CATSPERT: variants seen among roughly 807,000 people sequenced by gnomAD.
The protein encoded by CATSPERT is catsper channel auxiliary subunit tau.
chr2:201,587,415 C>A, the CATSPERT span, among the ~76,000 whole-genome samples: 1 of 152,080 alleles, frequency 6.6e-6, no homozygotes, highest in African/African-American at 2.4e-5. Flanking sequence ...CAGCTTTTGT[C>A]TTTCACCATC....
chr2:201,487,728 T>C, the CATSPERT span: 2 of 1,614,222 alleles, frequency 1.2e-6, no homozygotes, highest in Non-Finnish European at 8.5e-7. Flanking sequence ...AACTTTCCAC[T>C]GTAGCTTTCT....
chr2:201,503,852 A>T, the CATSPERT span, among the ~76,000 whole-genome samples: 10 of 152,268 alleles, frequency 6.6e-5, no homozygotes, highest in South Asian at 1.0e-3. Flanking sequence ...GATTTATTGC[A>T]TAGAAGGTTG....
At chr2:201,584,105 A>G in the CATSPERT span, among the ~76,000 whole-genome samples, 1 of 151,744 alleles carries the variant, frequency 6.6e-6, no homozygotes. Context: ...CCTCGGCAAC[A>G]TGGCAAAATC....
chr2:201,553,567 T>C, the CATSPERT span: 4 of 152,234 alleles, frequency 2.6e-5, no homozygotes, highest in South Asian at 6.2e-4. Flanking sequence ...CTAATAATGA[T>C]ATTTTACAGA....
chr2:201,524,660 A>C, the CATSPERT span, among the ~76,000 whole-genome samples: 1 of 152,200 alleles, frequency 6.6e-6, no homozygotes, highest in African/African-American at 2.4e-5. Flanking sequence ...GCCTCCACTT[A>C]AAAGGCAGAG....
At chr2:201,558,087 T>TAA in the CATSPERT span, 6 of 152,250 alleles carry the variant, frequency 3.9e-5, no homozygotes, top group African/African-American at 1.4e-4. Flanking sequence ...TAATTACACT[T>TAA]ATCGCCACCT....
the CATSPERT span, chr2:201,492,864 G>A: frequency 2.6e-6 from 4 of 1,536,410 alleles, no homozygotes; most frequent in East Asian, 2.4e-5. Flanking sequence ...TTTCTACAAG[G>A]TAATGCTGGA....
the CATSPERT span, among the ~76,000 whole-genome samples, chr2:201,497,515 T>C: frequency 6.6e-6 from 1 of 152,188 alleles, no homozygotes; most frequent in African/African-American, 2.4e-5. Context: ...AAATATAATT[T>C]CATTTTTGTA....
chr2:201,590,139 C>T, the CATSPERT span, among the ~76,000 whole-genome samples: 1 of 151,754 alleles, frequency 6.6e-6, no homozygotes, highest in East Asian at 1.9e-4. Context: ...TCCCTCCTCC[C>T]CCCACCCCAC....
the CATSPERT span, among the ~76,000 whole-genome samples, chr2:201,526,034 G>A: frequency 6.6e-6 from 1 of 152,238 alleles, no homozygotes; most frequent in African/African-American, 2.4e-5. Context: ...TCTACCAGAT[G>A]TATAAAGAAG....
the CATSPERT span, chr2:201,550,399 T>G: frequency 6.6e-6 from 1 of 152,202 alleles, no homozygotes; most frequent in Non-Finnish European, 1.5e-5. Context: ...TTTATCACTT[T>G]TTTCAATAAT....
At chr2:201,516,800 G>A in the CATSPERT span, among the ~76,000 whole-genome samples, 2 of 151,954 alleles carry the variant, frequency 1.3e-5, no homozygotes, top group East Asian at 1.9e-4. Context: ...GGGGGTGGGC[G>A]GGGAAGGGGT....
chr2:201,572,635 A>G, the CATSPERT span, among the ~76,000 whole-genome samples: 1 of 152,042 alleles, frequency 6.6e-6, no homozygotes, highest in African/African-American at 2.4e-5. Context: ...CACAAAACCT[A>G]CCTCCGGAGT....
chr2:201,556,513 G>GA, the CATSPERT span, among the ~76,000 whole-genome samples: 229 of 134,160 alleles, frequency 1.7e-3, no homozygotes, highest in East Asian at 1.7e-3. Context: ...ACTTCAAAAA[G>GA]AAAAAAAAAA....
the CATSPERT span, among the ~76,000 whole-genome samples, chr2:201,566,072 T>A: frequency 6.6e-6 from 1 of 152,070 alleles, no homozygotes; most frequent in Non-Finnish European, 1.5e-5. Flanking sequence ...TCCTTACTAC[T>A]AAACTTAGAT....
At chr2:201,529,792 G>A in the CATSPERT span, among the ~76,000 whole-genome samples, 1 of 152,038 alleles carries the variant, frequency 6.6e-6, no homozygotes, top group Non-Finnish European at 1.5e-5. Flanking sequence ...TACAGAAAAG[G>A]AAACAATGAA....
chr2:201,549,152 C>A, the CATSPERT span, among the ~76,000 whole-genome samples: 1 of 152,018 alleles, frequency 6.6e-6, no homozygotes, highest in Admixed American at 6.6e-5. Context: ...AAGATTAAAA[C>A]CTGCAATGGA....
At chr2:201,581,593 T>TATATATATAC in the CATSPERT span, among the ~76,000 whole-genome samples, 1 of 30,776 alleles carries the variant, frequency 3.2e-5, no homozygotes, top group Non-Finnish European at 6.0e-5. Context: ...TATATATATA[T>TATATATATAC]ACACATACAT....
the CATSPERT span, among the ~76,000 whole-genome samples, chr2:201,510,051 C>T: frequency 3.3e-5 from 5 of 151,044 alleles, no homozygotes; most frequent in East Asian, 9.6e-4. Flanking sequence ...ATGGGCATGG[C>T]TGGCTCCAGG....
Sources: gnomAD v4.1 joint callset for allele counts (sites outside exome capture counted in the v4.1 genomes callset) on GRCh38, gnomAD v4.1.1 for gene constraint, MANE v1.5 for transcripts, NCBI Gene and HGNC (gene_info 2026-07-23, HGNC 2026-07-21) for gene names.